The following CYRIA variants were observed in gnomAD, a reference collection of about 807,000 sequenced individuals.
The protein encoded by CYRIA is CYFIP-related Rac1 interactor A.
CYRIA carries 15 observed loss-of-function variants against 43.9 expected under a neutral mutation model. That is an observed-to-expected ratio of 0.34 (90% CI 0.23 to 0.53). CYRIA has a LOEUF of 0.53. CYRIA is among the 20% of genes least tolerant of loss of function. The probability of loss-of-function intolerance (pLI) is 0.94; values close to 1 mark genes in which losing one functional copy is unlikely to be tolerated. For missense variants in CYRIA, 236 were observed against 394.2 expected (o/e 0.60, Z 3.40); for synonymous variants, 117 against 136.0 (o/e 0.86, Z 0.97).
chr2:16,654,180 T>A (rs1416336795), intron 1 of CYRIA, among the ~76,000 whole-genome samples: 2 of 152,180 alleles, frequency 1.3e-5, no homozygotes, highest in Non-Finnish European at 2.9e-5. Flanking sequence ...AGCCTGTGAA[T>A]CACTGATTCA....
At chr2:16,583,309 T>C (rs58506100) in intron 3 of CYRIA, among the ~76,000 whole-genome samples, 16,748 of 152,256 alleles carry the variant, frequency 0.11, 988 homozygotes, top group Middle Eastern at 0.16. Context: ...CTCCAAACTT[T>C]GGATCTTGGA....
intron 2 of CYRIA, among the ~76,000 whole-genome samples, chr2:16,601,523 G>T (rs1668205196): frequency 6.6e-6 from 1 of 152,126 alleles, no homozygotes; most frequent in South Asian, 2.1e-4. Flanking sequence ...AAGCCTGCCT[G>T]CACGCCCTTG....
chr2:16,659,411 G>C (rs1572210213), intron 1 of CYRIA, among the ~76,000 whole-genome samples: 2 of 152,206 alleles, frequency 1.3e-5, no homozygotes, highest in Admixed American at 1.3e-4. Flanking sequence ...TGTTTCAAAC[G>C]TTCTTCAGAA....
At chr2:16,561,378 T>C (rs1247485386) in intron 7 of CYRIA, 78 bp downstream of exon 7, 13 of 1,506,414 alleles carry the variant, frequency 8.6e-6, no homozygotes, top group Middle Eastern at 1.7e-4. Flanking sequence ...CATTGTCTTC[T>C]GTCTGTGCTC....
At chr2:16,661,762 C>G (rs1670260245) in intron 1 of CYRIA, among the ~76,000 whole-genome samples, 1 of 152,110 alleles carries the variant, frequency 6.6e-6, no homozygotes, top group Non-Finnish European at 1.5e-5. Context: ...ATGCTGTGTA[C>G]TACGGCACAA....
At chr2:16,572,507 G>A (rs1325836069) in intron 3 of CYRIA, among the ~76,000 whole-genome samples, 1 of 152,132 alleles carries the variant, frequency 6.6e-6, no homozygotes, top group Non-Finnish European at 1.5e-5. Context: ...CTTAGCAGAT[G>A]GGAGGGCAGC....
chr2:16,579,337 T>C (rs975566869), intron 3 of CYRIA, among the ~76,000 whole-genome samples: 1 of 151,968 alleles, frequency 6.6e-6, no homozygotes, highest in Non-Finnish European at 1.5e-5. Flanking sequence ...GACCTTGTTA[T>C]GTGAGAAGGA....
At chr2:16,615,076 AT>A (rs1192156228) in intron 2 of CYRIA, among the ~76,000 whole-genome samples, 1 of 152,142 alleles carries the variant, frequency 6.6e-6, no homozygotes. Context: ...GAAATACAAA[AT>A]GGCTTATTGT....
intron 1 of CYRIA, among the ~76,000 whole-genome samples, chr2:16,653,422 G>T (rs894047325): frequency 2.6e-5 from 4 of 152,148 alleles, no homozygotes; most frequent in African/African-American, 9.7e-5. Flanking sequence ...CACCTTCTCT[G>T]ACAACCCTAT....
At chr2:16,639,665 A>G (rs1234591535) in intron 1 of CYRIA, among the ~76,000 whole-genome samples, 2 of 152,260 alleles carry the variant, frequency 1.3e-5, no homozygotes, top group Non-Finnish European at 2.9e-5. Context: ...ATTCCATCTC[A>G]GGAAGACTGC....
chr2:16,632,952 G>T (rs184637173), intron 1 of CYRIA, among the ~76,000 whole-genome samples: 211 of 152,256 alleles, frequency 1.4e-3, no homozygotes, highest in African/African-American at 4.9e-3. Context: ...GCTGCAGGAG[G>T]GGGGTGCACA....
chr2:16,557,914 T>C (rs1666585026), intron 10 of CYRIA, among the ~76,000 whole-genome samples: 1 of 152,186 alleles, frequency 6.6e-6, no homozygotes, highest in Admixed American at 6.5e-5. Context: ...TTTACAGAGT[T>C]ATTTATACTC....
At chr2:16,664,192 G>A (rs1670333072) in intron 1 of CYRIA, among the ~76,000 whole-genome samples, 1 of 152,094 alleles carries the variant, frequency 6.6e-6, no homozygotes, top group African/African-American at 2.4e-5. Context: ...CCCCTTCCCA[G>A]AGCCAGAGCC....
chr2:16,609,138 A>G (rs1668507586), intron 2 of CYRIA, among the ~76,000 whole-genome samples: 1 of 152,208 alleles, frequency 6.6e-6, no homozygotes, highest in Non-Finnish European at 1.5e-5. Flanking sequence ...GGAGACATTT[A>G]GATCTCACAG....
At chr2:16,559,338 G>T in intron 10 of CYRIA, 122 bp downstream of exon 10, 1 of 1,180,816 alleles carries the variant, frequency 8.5e-7, no homozygotes, top group Non-Finnish European at 1.2e-6. Context: ...GCCAGGATGG[G>T]CTGTGCATCT....
intron 1 of CYRIA, among the ~76,000 whole-genome samples, chr2:16,637,434 C>T (rs915931724): frequency 2.6e-5 from 4 of 152,148 alleles, no homozygotes; most frequent in African/African-American, 9.7e-5. Flanking sequence ...CTCTCTTCAC[C>T]ATATGAGGAT....
At chr2:16,645,761 C>T (rs1370930210) in intron 1 of CYRIA, among the ~76,000 whole-genome samples, 1 of 152,150 alleles carries the variant, frequency 6.6e-6, no homozygotes, top group Non-Finnish European at 1.5e-5. Flanking sequence ...TAGGAGGATG[C>T]TACAGTTTAT....
intron 3 of CYRIA, among the ~76,000 whole-genome samples, chr2:16,575,341 T>A (rs1667294118): frequency 6.6e-6 from 1 of 152,136 alleles, no homozygotes; most frequent in African/African-American, 2.4e-5. Context: ...TGGGGGACTG[T>A]TGGTAAGGCA....
intron 4 of CYRIA, among the ~76,000 whole-genome samples, chr2:16,565,311 G>A (rs1666887524): frequency 1.3e-5 from 2 of 151,832 alleles, no homozygotes; most frequent in Admixed American, 1.3e-4. Flanking sequence ...GCCTCCCAAA[G>A]TAGCAGGGAT....
Sources: gnomAD v4.1 joint callset for allele counts (sites outside exome capture counted in the v4.1 genomes callset) on GRCh38, gnomAD v4.1.1 for gene constraint, MANE v1.5 for transcripts, NCBI Gene and HGNC (gene_info 2026-07-23, HGNC 2026-07-21) for gene names.